Variants in CECR2 observed in about 807,000 individuals in gnomAD.
The protein encoded by CECR2 is chromatin remodeling regulator CECR2.
A neutral mutation model predicts 154.5 loss-of-function variants in CECR2; 30 were observed. The ratio of observed to expected loss-of-function variants is 0.19; its 90% CI spans 0.15 to 0.26. The LOEUF is 0.26. CECR2 is among the 10% of genes least tolerant of loss of function. The pLI, the probability that CECR2 is intolerant of heterozygous loss-of-function variation, is 1.00. For missense variants in CECR2, 1,743 were observed against 1,829.3 expected (o/e 0.95, Z 0.86); for synonymous variants, 725 against 683.7 (o/e 1.06, Z -0.94).
chr22:17,493,127 A>C (rs533920123), intron 2 of CECR2, among the ~76,000 whole-genome samples: 1 of 152,120 alleles, frequency 6.6e-6, no homozygotes, highest in East Asian at 1.9e-4. Flanking sequence ...ACGTACCACC[A>C]TGCCTGGCTA....
intron 1 of CECR2, among the ~76,000 whole-genome samples, chr22:17,388,295 A>T (rs2063288608): frequency 6.6e-6 from 1 of 152,196 alleles, no homozygotes; most frequent in African/African-American, 2.4e-5. Context: ...ATTTTATCAT[A>T]AAAGTTACAT....
intron 8 of CECR2, among the ~76,000 whole-genome samples, chr22:17,523,053 T>A (rs2146961421): frequency 6.6e-6 from 1 of 152,092 alleles, no homozygotes; most frequent in African/African-American, 2.4e-5. Context: ...TCTCTAAATT[T>A]GGAGTCAAAT....
intron 1 of CECR2, among the ~76,000 whole-genome samples, chr22:17,449,577 C>T (rs1200726929): frequency 7.0e-6 from 1 of 142,670 alleles, no homozygotes; most frequent in Admixed American, 7.7e-5. Context: ...GCAAGCTCTG[C>T]CTCCCAGGTT....
At chr22:17,478,593 G>A (rs143893437) in intron 2 of CECR2, among the ~76,000 whole-genome samples, 1,543 of 152,238 alleles carry the variant, frequency 0.01, 21 homozygotes, top group African/African-American at 0.036. Context: ...CCGACCTCGT[G>A]ATCTGCCCGC....
Position 17,548,404 on chromosome 22 carries a change from C to T in CECR2, c.3117C>T (p.Cys1039=), listed in dbSNP as rs748813460. The T allele has an allele frequency of 1.9e-5, 31 of 1,613,718 alleles. No individual in the cohort carries two copies. In the Admixed American group the frequency reaches 3.8e-4, roughly 20 times the overall value. The change falls in exon 17 of 19, where the codon TGC becomes TGT. Residue 1039 remains cysteine (C), a synonymous_variant. Coordinates refer to ENST00000262608, the MANE Select transcript of CECR2 (RefSeq NM_001290047.2). ...ACCCCGGCCCAGCCGCCCAAGGGTG[C>T]GTGAGAGACCTCTCCACGGTGGCAG... ...SSYPGPAAQG[C]VRDLSTVADR...
chr22:17,437,597 T>C (rs1326840072), intron 1 of CECR2, among the ~76,000 whole-genome samples: 2 of 152,210 alleles, frequency 1.3e-5, no homozygotes, highest in African/African-American at 4.8e-5. Context: ...AAATAGATTT[T>C]TCATAGTATA....
intron 1 of CECR2, among the ~76,000 whole-genome samples, chr22:17,371,886 T>C (rs1384184389): frequency 6.6e-6 from 1 of 152,262 alleles, no homozygotes; most frequent in Non-Finnish European, 1.5e-5. Context: ...GAGTAACCTG[T>C]AAATAACTTG....
Position 17,542,365 on chromosome 22 carries a change from C to T in CECR2, c.2222C>T (p.Ala741Val). The change falls in exon 16 of 19, where the codon GCT becomes GTT. Residue 741 changes from alanine (A) to valine (V), a missense_variant. Physicochemically the swap from Ala to Val is moderately conservative, Grantham distance 64. Transcript: ENST00000262608. ...TTCATTCCTCCCCGGCATGGGGGGG[C>T]TCCAGCCCGGCCACCAGACTTTCCT... ...PGFIPPRHGG[A>V]PARPPDFPES... 6.2e-7 allele frequency: 1 copy of T among 1,613,848 alleles called. No homozygotes were observed. Among genetic ancestry groups the T allele is most frequent in the Non-Finnish European group, 8.5e-7 (1 of 1,179,872 alleles).
upstream of CECR2, among the ~76,000 whole-genome samples, chr22:17,367,127 G>T (rs575117972): frequency 6.6e-6 from 1 of 152,284 alleles, no homozygotes; most frequent in South Asian, 2.1e-4. Flanking sequence ...GATTTCCGGG[G>T]CTTGGCAGTA....
chr22:17,469,118 A>G (rs2055079544), intron 1 of CECR2, among the ~76,000 whole-genome samples: 1 of 151,832 alleles, frequency 6.6e-6, no homozygotes, highest in Non-Finnish European at 1.5e-5. Flanking sequence ...TGTGTCTGTG[A>G]GTGTGGTAGG....
At position 17,548,630 on chromosome 22, in the gene CECR2, C is replaced by A; in HGVS notation, c.3343C>A (p.Gln1115Lys). 1 of 1,613,130 alleles carries A rather than the reference C, an allele frequency of 6.2e-7. No individual in the cohort carries two copies. The highest frequency in any genetic ancestry group is 2.2e-5 in the East Asian group (1 of 44,838). ...DPGLTGGTVS[Q>K]FPPLYMPGLE... The stretch of plus-strand genomic sequence containing the variant: ...CGGTTTGACGGGAGGCACTGTGAGC[C>A]AGTTTCCCCCGCTGTATATGCCTGG... The change falls in exon 17 of 19, where the codon CAG becomes AAG. Residue 1115 changes from glutamine (Q) to lysine (K), a missense_variant. Physicochemically the swap from Gln to Lys is moderately conservative, Grantham distance 53 (BLOSUM62 1). Transcript: ENST00000262608.
At chr22:17,497,654 G>A (rs371017586) in intron 3 of CECR2, 68 bp downstream of exon 3, 21 of 1,501,188 alleles carry the variant, frequency 1.4e-5, no homozygotes, top group Admixed American at 1.4e-4. Flanking sequence ...TAGTCAGAAC[G>A]TAAAACCCAA....
At chr22:17,499,385 A>T in intron 3 of CECR2, 25 bp from the exon 4 acceptor site, 1 of 1,593,524 alleles carries the variant, frequency 6.3e-7, no homozygotes, top group Admixed American at 1.8e-5. Context: ...CATTTCCCCA[A>T]ACCCCTTTTC....
At chr22:17,362,234 A>G (rs9606699) in intron 1 of CECR2, among the ~76,000 whole-genome samples, 100,852 of 151,860 alleles carry the variant, frequency 0.66, 34,592 homozygotes, top group African/African-American at 0.84. Context: ...AGTAAAGATG[A>G]GGTTTCACCA....
At chr22:17,412,493 C>G (rs1049874691) in intron 1 of CECR2, among the ~76,000 whole-genome samples, 4 of 152,140 alleles carry the variant, frequency 2.6e-5, no homozygotes, top group African/African-American at 9.7e-5. Context: ...CTTTGGCTCC[C>G]AGCTCCTAAT....
intron 1 of CECR2, among the ~76,000 whole-genome samples, chr22:17,429,138 G>C (rs1239267145): frequency 6.6e-6 from 1 of 152,078 alleles, no homozygotes; most frequent in Non-Finnish European, 1.5e-5. Context: ...GAATCATGGG[G>C]AGAATGACTG....
At chr22:17,466,026 T>TATTTATTC (rs1474182361) in intron 1 of CECR2, among the ~76,000 whole-genome samples, 1 of 152,164 alleles carries the variant, frequency 6.6e-6, no homozygotes, top group Non-Finnish European at 1.5e-5. Context: ...TTTATTTATT[T>TATTTATTC]ATATTATTAT....
intron 16 of CECR2, among the ~76,000 whole-genome samples, chr22:17,545,250 C>CT (rs2056592724): frequency 7.9e-5 from 12 of 151,360 alleles, no homozygotes; most frequent in Admixed American, 7.9e-4. Context: ...TGGTAGAGGC[C>CT]TGTAAGTTCA....
chr22:17,545,374 CAA>C (rs695493), intron 16 of CECR2, among the ~76,000 whole-genome samples: 68 of 46,422 alleles, frequency 1.5e-3, no homozygotes, highest in African/African-American at 3.7e-3. Context: ...GACTCCGTCT[CAA>C]AAAAAAAAAA....
Sources: gnomAD v4.1 joint callset for allele counts (sites outside exome capture counted in the v4.1 genomes callset) on GRCh38, gnomAD v4.1.1 for gene constraint, MANE v1.5 for transcripts, NCBI Gene and HGNC (gene_info 2026-07-23, HGNC 2026-07-21) for gene names.